Variants in PELI2 observed in about 807,000 individuals in gnomAD.
The protein encoded by PELI2 is pellino E3 ubiquitin protein ligase family member 2, also known as E3 ubiquitin-protein ligase pellino homolog 2.
PELI2 carries 23 observed loss-of-function variants against 42.3 expected under a neutral mutation model. The ratio of observed to expected loss-of-function variants is 0.54; its 90% CI spans 0.39 to 0.77. The LOEUF (loss-of-function observed/expected upper bound fraction) is 0.77. PELI2 is among the 30% of genes least tolerant of loss of function. The pLI is 0.00. For missense variants in PELI2, 463 were observed against 553.2 expected, an observed-to-expected ratio of 0.84 and a Z score of 1.64; for synonymous variants, 245 against 212.2, an observed-to-expected ratio of 1.15 and a Z score of -1.34.
intron 2 of PELI2, among the ~76,000 whole-genome samples, chr14:56,191,159 G>A (rs750895510): frequency 3.9e-5 from 6 of 152,204 alleles, no homozygotes; most frequent in Admixed American, 1.3e-4. Context: ...GTGAGGTCCT[G>A]GACAGCAGGA....
At chr14:56,144,851 A>C (rs1884054633) in intron 1 of PELI2, 2 of 371,308 alleles carry the variant, frequency 5.4e-6, no homozygotes, top group South Asian at 2.2e-4. Flanking sequence ...CTCAGCACTT[A>C]GTATGGGGCC....
At chr14:56,287,976 A>G (rs1889698410) in intron 3 of PELI2, among the ~76,000 whole-genome samples, 1 of 152,214 alleles carries the variant, frequency 6.6e-6, no homozygotes, top group Non-Finnish European at 1.5e-5. Context: ...AGTTGTTGGG[A>G]TAGAACATTA....
At chr14:56,212,944 G>C (rs975647245) in intron 2 of PELI2, among the ~76,000 whole-genome samples, 45 of 131,332 alleles carry the variant, frequency 3.4e-4, no homozygotes, top group African/African-American at 1.7e-3. Context: ...CCAGGCTGTA[G>C]AGTGGGGTCA....
chr14:56,122,509 T>C (rs8004314), intron 1 of PELI2, among the ~76,000 whole-genome samples: 9,742 of 152,254 alleles, frequency 0.064, 465 homozygotes, highest in East Asian at 0.2. Flanking sequence ...TCTTGCTGAC[T>C]AATGGCCCAT....
chr14:56,120,383 A>G (rs1247277097), intron 1 of PELI2, among the ~76,000 whole-genome samples: 1 of 152,226 alleles, frequency 6.6e-6, no homozygotes, highest in Non-Finnish European at 1.5e-5. Context: ...TCAGAAAAGC[A>G]GCGAGTGGGC....
At chr14:56,120,973 G>C (rs921322197) in intron 1 of PELI2, among the ~76,000 whole-genome samples, 7 of 152,312 alleles carry the variant, frequency 4.6e-5, no homozygotes, top group African/African-American at 1.4e-4. Flanking sequence ...GCAGGTGAAA[G>C]AGTGACTAGG....
Position 56,140,319 on chromosome 14 carries a change from AC to A in PELI2, c.77+21583del, listed in dbSNP as rs1165871927. Among the ~76,000 whole-genome samples the A allele has an allele frequency of 7.2e-5, 11 of 152,354 alleles. No individual in the cohort carries two copies. The East Asian group carries it at 1.9e-3, about 27-fold the overall frequency. On this transcript the variant is annotated intron_variant, in intron 1 of 5. Coordinates refer to ENST00000267460, the MANE Select transcript of PELI2 (RefSeq NM_021255.3). ...TGTACTTATTCATTTAAAATGAATT[AC>A]AACCATATCTATGGTCACTTTAAAT...
rs1890121064 is a variant in PELI2 at position 56,299,902 on chromosome 14, A to C, written c.*2736A>C. ...TTCAGTTGTTTATGTCGTTTACTAC[A>C]AAAAAAAAGATTCAGAGTGGATGGA... On this transcript the variant is annotated 3_prime_UTR_variant, in exon 6 of 6. Coordinates refer to ENST00000267460, the MANE Select transcript of PELI2 (RefSeq NM_021255.3). 2 of 119,796 alleles carry C rather than the reference A, an allele frequency of 1.7e-5. No individual in the cohort carries two copies. Among genetic ancestry groups the C allele is most frequent in the African/African-American group, 5.2e-5 (2 of 38,620 alleles). 7.4% of individuals were successfully genotyped at this position (119,796 alleles called of 1,614,324 possible).
chr14:56,256,785 C>G (rs185220456), intron 2 of PELI2, among the ~76,000 whole-genome samples: 3 of 152,146 alleles, frequency 2.0e-5, no homozygotes, highest in Non-Finnish European at 4.4e-5. Context: ...ATTTCCTCTC[C>G]TCTACCCTGC....
At chr14:56,286,746 T>TTTG (rs967238224) in intron 3 of PELI2, among the ~76,000 whole-genome samples, 3 of 152,108 alleles carry the variant, frequency 2.0e-5, no homozygotes, top group African/African-American at 4.8e-5. Flanking sequence ...TGTTGTTTTT[T>TTTG]TTGTTGTTGT....
intron 2 of PELI2, among the ~76,000 whole-genome samples, chr14:56,187,687 T>G (rs1885816050): frequency 6.6e-6 from 1 of 152,248 alleles, no homozygotes; most frequent in Non-Finnish European, 1.5e-5. Context: ...CTCCCATTGC[T>G]GACTGATTCA....
intron 2 of PELI2, among the ~76,000 whole-genome samples, chr14:56,274,197 G>A (rs1195138851): frequency 1.0e-5 from 1 of 95,412 alleles, no homozygotes; most frequent in Non-Finnish European, 2.2e-5. Flanking sequence ...AGCCAGCAGG[G>A]AAAAGGACAT....
At chr14:56,142,526 T>G (rs1883950905) in intron 1 of PELI2, among the ~76,000 whole-genome samples, 1 of 152,216 alleles carries the variant, frequency 6.6e-6, no homozygotes, top group South Asian at 2.1e-4. Context: ...AAACAAGGAA[T>G]GAATGAATCA....
chr14:56,156,641 T>C (rs1231721784), intron 1 of PELI2, among the ~76,000 whole-genome samples: 1 of 152,226 alleles, frequency 6.6e-6, no homozygotes, highest in Non-Finnish European at 1.5e-5. Flanking sequence ...TTACATGTCT[T>C]ACCTGTCCAG....
At position 56,118,626 on chromosome 14, in the gene PELI2, C is replaced by T. The variant is rs1346890340; in HGVS notation, c.-35C>T. 1.6e-5 allele frequency: 20 copies of T among 1,284,828 alleles called. No homozygotes were observed. Among genetic ancestry groups the T allele is most frequent in the Non-Finnish European group, 2.0e-5 (20 of 987,994 alleles). The allele number at this position is 1,284,828 out of a possible 1,614,324, so 79.6% of individuals were successfully genotyped here. Reference sequence around the variant, plus strand: ...GCGGGGATCGCGGCGGAGGCGGCGGCGTCGGCGGCGGCGTCGGCGGCCGAG... The same window carrying T: ...GCGGGGATCGCGGCGGAGGCGGCGGTGTCGGCGGCGGCGTCGGCGGCCGAG... On this transcript the variant is annotated 5_prime_UTR_variant, in exon 1 of 6. Coordinates refer to ENST00000267460, the MANE Select transcript of PELI2 (RefSeq NM_021255.3).
At position 56,296,756 on chromosome 14, in the gene PELI2, C is replaced by G; in HGVS notation, c.853C>G (p.Pro285Ala). ...GATTAACGCCGCCCGGCCTCAGTGT[C>G]CTGTGGGGCTCAACACCCTGGCCTT... is the stretch of plus-strand genomic sequence containing the variant. ...QEINAARPQC[P>A]VGLNTLAFPS... is the part of the protein sequence containing the mutation. Residue 285 changes from proline to alanine, a missense_variant, in exon 6 of 6, where the codon CCT becomes GCT. Physicochemically the swap from Pro to Ala is conservative, Grantham distance 27. This residue lies in a region of PELI2 where 343 missense variants were observed against 378.4 expected (regional missense o/e 0.91). Transcript: ENST00000267460. The G allele has an allele frequency of 1.9e-6, 3 of 1,614,102 alleles. No homozygotes were observed. The highest frequency in any genetic ancestry group is 2.5e-6 in the Non-Finnish European group (3 of 1,180,024).
At chr14:56,293,562 C>T (rs542582898) in intron 5 of PELI2, among the ~76,000 whole-genome samples, 1 of 152,256 alleles carries the variant, frequency 6.6e-6, no homozygotes, top group South Asian at 2.1e-4. Flanking sequence ...CAGTAATGCC[C>T]CATGACTGGC....
At chr14:56,247,420 G>C (rs895224786) in intron 2 of PELI2, among the ~76,000 whole-genome samples, 1 of 152,156 alleles carries the variant, frequency 6.6e-6, no homozygotes, top group African/African-American at 2.4e-5. Context: ...AGTGGTGCAG[G>C]GGACTGCTTG....
rs1279101356 is a variant in PELI2, at chr14:56,276,497, GAC to G, written c.208-3178_208-3177del. On this transcript the variant is annotated intron_variant, in intron 2 of 5. Coordinates refer to ENST00000267460, the MANE Select transcript of PELI2 (RefSeq NM_021255.3). ...GTACTCCGGGCCTTTGTAGGGTCAGGACTCTTCTCCTGGCTTAGCATTACCAG... is the reference window on the plus strand; with the variant it reads ...GTACTCCGGGCCTTTGTAGGGTCAGGTCTTCTCCTGGCTTAGCATTACCAG... 3.9e-5 allele frequency among the ~76,000 whole-genome samples: 6 copies of G among 152,250 alleles called. No homozygotes were observed. In the South Asian group the frequency reaches 8.3e-4, roughly 21 times the overall value.
Sources: gnomAD v4.1 joint callset for allele counts (sites outside exome capture counted in the v4.1 genomes callset) on GRCh38, gnomAD v4.1.1 for gene constraint, gnomAD v4.1.1 regional missense constraint, MANE v1.5 for transcripts, NCBI Gene and HGNC (gene_info 2026-07-23, HGNC 2026-07-21) for gene names.